Variants in CDIN1 observed in about 807,000 individuals in gnomAD.
CDIN1 encodes the protein CDAN1-interacting nuclease 1.
Under a neutral mutation model 45.3 loss-of-function variants are expected in CDIN1, and 33 were observed. The ratio of observed to expected loss-of-function variants is 0.73; its 90% CI spans 0.55 to 0.97. CDIN1 has a LOEUF of 0.97. Ranked by LOEUF, CDIN1 falls within the 50% of genes least tolerant of loss-of-function variation. CDIN1 has a pLI of 0.00. For missense variants in CDIN1, 303 were observed against 339.4 expected (o/e 0.89, Z 0.84); for synonymous variants, 118 against 124.4 (o/e 0.95, Z 0.34).
At chr15:36,710,331 C>A (rs1040713822) in intron 10 of CDIN1, among the ~76,000 whole-genome samples, 1 of 152,030 alleles carries the variant, frequency 6.6e-6, no homozygotes, top group Admixed American at 6.6e-5. Flanking sequence ...AATAATTTAT[C>A]CTCAGCTCTC....
intron 10 of CDIN1, among the ~76,000 whole-genome samples, chr15:36,736,335 A>C (rs924208824): frequency 9.2e-5 from 14 of 151,676 alleles, no homozygotes; most frequent in African/African-American, 1.2e-4. Flanking sequence ...CTTGATTTAC[A>C]CTCTACAGCT....
At chr15:36,799,346 C>T (rs750963803) in intron 10 of CDIN1, 5 of 152,148 alleles carry the variant, frequency 3.3e-5, no homozygotes, top group Admixed American at 6.5e-5. Flanking sequence ...AGAAGGTGTT[C>T]TGTCTTCTCC....
At chr15:36,680,311 T>A (rs1303637056) in intron 5 of CDIN1, among the ~76,000 whole-genome samples, 1 of 152,180 alleles carries the variant, frequency 6.6e-6, no homozygotes, top group Non-Finnish European at 1.5e-5. Context: ...AGGATCTTTT[T>A]AAGTATAGTT....
chr15:36,756,962 A>T (rs760365916), intron 10 of CDIN1, among the ~76,000 whole-genome samples: 1 of 152,144 alleles, frequency 6.6e-6, no homozygotes, highest in Non-Finnish European at 1.5e-5. Context: ...GGAGTCCCCC[A>T]TGGCGCTCTG....
At chr15:36,735,870 T>C (rs1284888734) in intron 10 of CDIN1, among the ~76,000 whole-genome samples, 1 of 152,212 alleles carries the variant, frequency 6.6e-6, no homozygotes, top group Non-Finnish European at 1.5e-5. Flanking sequence ...AAACATTTGC[T>C]AATCATGCAG....
chr15:36,683,107 TGTTTAA>T (rs1311613318), intron 5 of CDIN1, among the ~76,000 whole-genome samples: 1 of 152,250 alleles, frequency 6.6e-6, no homozygotes, highest in Non-Finnish European at 1.5e-5. Flanking sequence ...GATTATATAT[TGTTTAA>T]GTTTAAACAT....
chr15:36,732,220 C>T (rs967758815), intron 10 of CDIN1, among the ~76,000 whole-genome samples: 32 of 152,114 alleles, frequency 2.1e-4, no homozygotes, highest in Admixed American at 4.6e-4. Context: ...TCAACAGTGA[C>T]GTTCCAAATT....
intron 1 of CDIN1, among the ~76,000 whole-genome samples, chr15:36,588,026 C>T (rs1406254189): frequency 1.3e-5 from 2 of 152,086 alleles, no homozygotes; most frequent in East Asian, 3.9e-4. Flanking sequence ...AGCTGATCTA[C>T]AGTAGAAGAA....
At chr15:36,643,034 A>G (rs1164723395) in intron 1 of CDIN1, among the ~76,000 whole-genome samples, 1 of 152,206 alleles carries the variant, frequency 6.6e-6, no homozygotes, top group Non-Finnish European at 1.5e-5. Context: ...AAGATTTTAT[A>G]TAAAATTGGC....
chr15:36,582,043 TGTG>T (rs1459391961), intron 1 of CDIN1, among the ~76,000 whole-genome samples: 1 of 152,224 alleles, frequency 6.6e-6, no homozygotes, highest in African/African-American at 2.4e-5. Flanking sequence ...CTGTCAAGCT[TGTG>T]GTGATGGATA....
intron 10 of CDIN1, among the ~76,000 whole-genome samples, chr15:36,731,356 G>A (rs2043826612): frequency 6.6e-6 from 1 of 151,952 alleles, no homozygotes; most frequent in Non-Finnish European, 1.5e-5. Flanking sequence ...TATTTCATTT[G>A]AAATTGGTAA....
chr15:36,674,592 C>T (rs2041576434), intron 5 of CDIN1, among the ~76,000 whole-genome samples: 1 of 152,108 alleles, frequency 6.6e-6, no homozygotes, highest in African/African-American at 2.4e-5. Context: ...CAGTATAAAA[C>T]TACCATTAGG....
chr15:36,706,975 C>G (rs573890084), intron 8 of CDIN1: 2 of 152,056 alleles, frequency 1.3e-5, no homozygotes, highest in Admixed American at 1.3e-4. Context: ...ACAAGGCCAC[C>G]TGTTTCGAAA....
chr15:36,630,913 G>A (rs2039652013), intron 1 of CDIN1, among the ~76,000 whole-genome samples: 1 of 152,144 alleles, frequency 6.6e-6, no homozygotes, highest in Admixed American at 6.6e-5. Flanking sequence ...TCATTAATAT[G>A]AAGACTCACC....
intron 10 of CDIN1, among the ~76,000 whole-genome samples, chr15:36,795,005 ATTATG>A (rs2054755725): frequency 1.3e-5 from 2 of 152,344 alleles, no homozygotes. Flanking sequence ...ACTGGAGGTT[ATTATG>A]TTAAGTGAAA....
intron 10 of CDIN1, among the ~76,000 whole-genome samples, chr15:36,746,669 C>CCACGCACACACACACA (rs1555403572): frequency 7.1e-6 from 1 of 141,434 alleles, no homozygotes; most frequent in African/African-American, 2.7e-5. Flanking sequence ...ATATATGGTT[C>CCACGCACACACACACA]CACACACACA....
chr15:36,673,238 C>T (rs2140552745), intron 5 of CDIN1, among the ~76,000 whole-genome samples: 1 of 152,190 alleles, frequency 6.6e-6, no homozygotes, highest in Non-Finnish European at 1.5e-5. Flanking sequence ...GCCCATTCAT[C>T]ATGTCCTACA....
intron 10 of CDIN1, among the ~76,000 whole-genome samples, chr15:36,794,175 C>T (rs543408398): frequency 6.6e-6 from 1 of 151,632 alleles, no homozygotes; most frequent in East Asian, 2.0e-4. Flanking sequence ...TCTCCTGCCT[C>T]AGCCTCCCGA....
intron 1 of CDIN1, among the ~76,000 whole-genome samples, chr15:36,637,213 C>CT (rs2039935032): frequency 1.3e-5 from 2 of 152,150 alleles, no homozygotes; most frequent in Admixed American, 6.5e-5. Context: ...TAAAAACAAA[C>CT]TGTGATCCCC....
Sources: allele counts gnomAD v4.1 joint callset (sites outside exome capture counted in the v4.1 genomes callset), GRCh38; gene constraint gnomAD v4.1.1; transcripts MANE v1.5; gene names NCBI Gene and HGNC (gene_info 2026-07-23, HGNC 2026-07-21).